The following TBC1D14 variants were observed in gnomAD, a reference collection of about 807,000 sequenced individuals.
The protein encoded by TBC1D14 is TBC1 domain family member 14.
TBC1D14 carries 26 observed loss-of-function variants against 79.0 expected under a neutral mutation model. That is an observed-to-expected ratio of 0.33 (90% CI 0.24 to 0.46). The LOEUF is 0.46. Among genes scored for constraint, TBC1D14 ranks in the 20% least tolerant of loss-of-function variants. The pLI, the probability that TBC1D14 is intolerant of heterozygous loss-of-function variation, is 1.00. For synonymous variants in TBC1D14, 394 were observed against 349.9 expected (o/e 1.13, Z -1.40); for missense variants, 769 against 887.6 (o/e 0.87, Z 1.70).
At chr4:6,990,050 C>T (rs914040653) in intron 3 of TBC1D14, among the ~76,000 whole-genome samples, 18 of 152,242 alleles carry the variant, frequency 1.2e-4, no homozygotes, top group Admixed American at 9.2e-4. Flanking sequence ...AAAGCTGAAG[C>T]AAATTGTATT....
At chr4:6,985,271 A>G (rs1350899907) in intron 3 of TBC1D14, among the ~76,000 whole-genome samples, 4 of 152,178 alleles carry the variant, frequency 2.6e-5, no homozygotes, top group Non-Finnish European at 2.9e-5. Context: ...AGCATGTTCT[A>G]ATTTCCTCAG....
At chr4:6,943,798 T>C (rs1713152663) in intron 2 of TBC1D14, among the ~76,000 whole-genome samples, 1 of 152,164 alleles carries the variant, frequency 6.6e-6, no homozygotes, top group African/African-American at 2.4e-5. Context: ...CCGGTGCAGG[T>C]GGTCAGCAGA....
intron 7 of TBC1D14, among the ~76,000 whole-genome samples, chr4:7,004,279 C>T (rs1560336506): frequency 6.6e-6 from 1 of 152,222 alleles, no homozygotes; most frequent in Non-Finnish European, 1.5e-5. Flanking sequence ...CAGCAAGAGT[C>T]CTGTTTTTTG....
intron 7 of TBC1D14, among the ~76,000 whole-genome samples, chr4:7,004,140 A>T (rs1719949952): frequency 6.6e-6 from 1 of 152,234 alleles, no homozygotes; most frequent in African/African-American, 2.4e-5. Flanking sequence ...GGGCACGGAT[A>T]TACCTGTGGA....
chr4:7,030,537 C>A lies in TBC1D14; in HGVS notation c.*145C>A. On this transcript the variant is annotated 3_prime_UTR_variant, in exon 14 of 14. Coordinates refer to ENST00000409757, the MANE Select transcript of TBC1D14 (RefSeq NM_020773.3). ...ACACTGGAGTTGGCCTTAAACAAAA[C>A]AAACACAAAAACTTTTAAAGAATTA... 2 of 778,056 alleles carry A rather than the reference C, an allele frequency of 2.6e-6. No individual in the cohort carries two copies. Among genetic ancestry groups the A allele is most frequent in the Non-Finnish European group, 4.1e-6 (2 of 486,422 alleles). 48.2% of individuals were successfully genotyped at this position (778,056 alleles called of 1,614,324 possible).
intron 13 of TBC1D14, among the ~76,000 whole-genome samples, chr4:7,027,486 CCACAGT>C (rs1722514765): frequency 6.9e-6 from 1 of 144,298 alleles, no homozygotes; most frequent in East Asian, 2.1e-4. Context: ...CATTGCACAC[CCACAGT>C]CACACCCCTA....
At chr4:7,002,333 G>T (rs904149858) in intron 7 of TBC1D14, among the ~76,000 whole-genome samples, 2 of 152,216 alleles carry the variant, frequency 1.3e-5, no homozygotes, top group Non-Finnish European at 2.9e-5. Context: ...TTGAGGTTTG[G>T]AGAAATTACT....
At chr4:6,958,202 G>A (rs7664348) in intron 2 of TBC1D14, among the ~76,000 whole-genome samples, 42,777 of 151,988 alleles carry the variant, frequency 0.28, 6,239 homozygotes, top group Admixed American at 0.33. Flanking sequence ...ACTGCTCCAG[G>A]TGGCCAGCCC....
At chr4:6,935,794 C>A (rs1273996122) in intron 2 of TBC1D14, among the ~76,000 whole-genome samples, 1 of 151,888 alleles carries the variant, frequency 6.6e-6, no homozygotes, top group Non-Finnish European at 1.5e-5. Context: ...CAGGCATGTG[C>A]CACCACACCC....
chr4:6,967,201 T>G, intron 2 of TBC1D14, 103 bp from the exon 3 acceptor site: 1 of 1,428,896 alleles, frequency 7.0e-7, no homozygotes, highest in Non-Finnish European at 9.5e-7. Context: ...AAGTACGTGG[T>G]TCTCAGAGGA....
At chr4:7,000,053 C>T (rs898265364) in intron 6 of TBC1D14, among the ~76,000 whole-genome samples, 4 of 152,164 alleles carry the variant, frequency 2.6e-5, no homozygotes, top group African/African-American at 9.7e-5. Flanking sequence ...AGGGGTCACG[C>T]GGCCCTGCTC....
chr4:6,917,389 T>C (rs1354646031), intron 1 of TBC1D14, among the ~76,000 whole-genome samples: 2 of 152,116 alleles, frequency 1.3e-5, no homozygotes, highest in Non-Finnish European at 2.9e-5. Context: ...CTGTTTCAGG[T>C]GGGGTGTAGC....
In TBC1D14 at chr4:6,987,447, C is replaced by G. The variant is rs1035713151; in HGVS notation, c.844-6737C>G. On this transcript the variant is annotated intron_variant, in intron 3 of 13. Coordinates refer to ENST00000409757, the MANE Select transcript of TBC1D14 (RefSeq NM_020773.3). ...TGGGCCTGCCAGCCCTGCGGCCCCG[C>G]GCAGGTGGAGGGTGCGAGTGTGCAT... The G allele has an allele frequency of 2.9e-5, 34 of 1,176,444 alleles. No homozygotes were observed. The African/African-American group carries it at 4.9e-4, about 17-fold the overall frequency. The allele number at this position is 1,176,444 out of a possible 1,614,324, so 72.9% of individuals were successfully genotyped here.
intron 13 of TBC1D14, among the ~76,000 whole-genome samples, chr4:7,028,060 CCA>C (rs1204960297): frequency 1.4e-5 from 2 of 145,784 alleles, no homozygotes; most frequent in African/African-American, 2.5e-5. Flanking sequence ...CATTGCATAC[CCA>C]CACACACACC....
intron 3 of TBC1D14, among the ~76,000 whole-genome samples, chr4:6,975,711 A>G (rs1387552558): frequency 6.6e-6 from 1 of 152,244 alleles, no homozygotes; most frequent in Non-Finnish European, 1.5e-5. Flanking sequence ...TGAAAAATAC[A>G]CTAACTGAAA....
At position 7,019,091 on chromosome 4, in the gene TBC1D14, G is replaced by A. The variant is rs552023684; in HGVS notation, c.1757+4534G>A. Among the ~76,000 whole-genome samples, 4 of 152,110 alleles carry A rather than the reference G, an allele frequency of 2.6e-5. No homozygotes were observed. In the East Asian group the frequency reaches 5.8e-4, roughly 22 times the overall value. On this transcript the variant is annotated intron_variant, in intron 12 of 13. Transcript: ENST00000409757. ...AGGCTTGAGTGCAGTGGTGGATCTC[G>A]GCTCACTGCAAGCTCCGCCTCCCGG...
intron 2 of TBC1D14, among the ~76,000 whole-genome samples, chr4:6,926,041 C>T (rs1258647643): frequency 2.0e-5 from 3 of 152,196 alleles, no homozygotes; most frequent in Non-Finnish European, 4.4e-5. Context: ...GCTCTGTGCC[C>T]TTGAACAAGT....
intron 7 of TBC1D14, 164 bp downstream of exon 7, chr4:7,001,415 G>C (rs994921315): frequency 1.6e-6 from 1 of 625,058 alleles, no homozygotes; most frequent in African/African-American, 1.8e-5. Flanking sequence ...GGGAGGCCTG[G>C]GTTTAGTGCT....
At chr4:6,915,362 G>C (rs536185597) in intron 1 of TBC1D14, among the ~76,000 whole-genome samples, 1 of 152,172 alleles carries the variant, frequency 6.6e-6, no homozygotes, top group Non-Finnish European at 1.5e-5. Context: ...AGGGGGTTGG[G>C]GGTCACTGCA....
Sources: gnomAD v4.1 joint callset for allele counts (sites outside exome capture counted in the v4.1 genomes callset) on GRCh38, gnomAD v4.1.1 for gene constraint, MANE v1.5 for transcripts, NCBI Gene and HGNC (gene_info 2026-07-23, HGNC 2026-07-21) for gene names.